Variants in FREM3 observed in about 807,000 individuals in gnomAD.
FREM3 encodes FRAS1 related extracellular matrix 3.
FREM3 carries 105 observed loss-of-function variants against 129.1 expected under a neutral mutation model. That is an observed-to-expected ratio of 0.81 (90% confidence interval 0.69 to 0.96). FREM3 has a LOEUF of 0.96. Among genes scored for constraint, FREM3 ranks in the 40% least tolerant of loss-of-function variants. The pLI is 0.00. For synonymous variants in FREM3, 1,014 were observed against 1,044.9 expected, an observed-to-expected ratio of 0.97 and a Z score of 0.57; for missense variants, 2,593 against 2,666.3, an observed-to-expected ratio of 0.97 and a Z score of 0.61.
At chr4:143,688,381 A>G (rs1431263683) in intron 2 of FREM3, among the ~76,000 whole-genome samples, 1 of 152,218 alleles carries the variant, frequency 6.6e-6, no homozygotes, top group Non-Finnish European at 1.5e-5. Flanking sequence ...TAGACAACAC[A>G]AACAAATGGA....
intron 7 of FREM3, among the ~76,000 whole-genome samples, chr4:143,582,025 C>A (rs1738156569): frequency 6.6e-6 from 1 of 151,914 alleles, no homozygotes; most frequent in African/African-American, 2.4e-5. Flanking sequence ...GCAGGCCCTC[C>A]CCAGTGCCCC....
At chr4:143,663,336 C>G (rs936711003) in intron 2 of FREM3, among the ~76,000 whole-genome samples, 1 of 152,178 alleles carries the variant, frequency 6.6e-6, no homozygotes, top group African/African-American at 2.4e-5. Flanking sequence ...TTCTCCTTCA[C>G]TTATGAAGCT....
chr4:143,589,890 A>T (rs1032277754), intron 6 of FREM3, among the ~76,000 whole-genome samples: 43 of 152,246 alleles, frequency 2.8e-4, no homozygotes, highest in Middle Eastern at 3.4e-3. Flanking sequence ...ATGTTCTTCC[A>T]TTTCTTTGTA....
At chr4:143,589,808 T>C (rs1221980596) in intron 6 of FREM3, among the ~76,000 whole-genome samples, 3 of 152,214 alleles carry the variant, frequency 2.0e-5, no homozygotes, top group African/African-American at 7.2e-5. Context: ...GGGGATGGCA[T>C]TGAATCTGTA....
At position 143,698,651 on chromosome 4, in the gene FREM3, A is replaced by G. The variant is rs770067095; in HGVS notation, c.2025T>C (p.His675=). The change falls in exon 1 of 8, where the codon CAT becomes CAC. Residue 675 remains histidine, a synonymous_variant. Transcript: ENST00000329798. ...TGGGTGGGTCATGGTCATCCTGCAC[A>G]TGGAAAGCCAGCTGGACCATTACAG... ...PQSVMVQLAF[H]VQDDHDPPNL... 56 of 1,537,674 alleles carry G rather than the reference A, an allele frequency of 3.6e-5. No homozygotes were observed. Among genetic ancestry groups the G allele is most frequent in the South Asian group, 2.0e-4 (17 of 84,058 alleles).
chr4:143,694,692 T>G (rs1235015759), intron 1 of FREM3, among the ~76,000 whole-genome samples: 2 of 152,240 alleles, frequency 1.3e-5, no homozygotes, highest in Non-Finnish European at 2.9e-5. Context: ...ACGTGCAGGT[T>G]TGTTACATAG....
chr4:143,677,280 C>A (rs1478608875), intron 2 of FREM3, among the ~76,000 whole-genome samples: 1 of 152,192 alleles, frequency 6.6e-6, no homozygotes, highest in Non-Finnish European at 1.5e-5. Flanking sequence ...CTGACAAAAA[C>A]AGGAAATGGG....
At chr4:143,610,080 T>G (rs1282508653) in intron 6 of FREM3, among the ~76,000 whole-genome samples, 2 of 152,178 alleles carry the variant, frequency 1.3e-5, no homozygotes, top group Non-Finnish European at 2.9e-5. Context: ...GAAAAGTACA[T>G]GACGAAGAAA....
intron 2 of FREM3, among the ~76,000 whole-genome samples, chr4:143,632,858 T>C (rs1739163707): frequency 6.6e-6 from 1 of 152,168 alleles, no homozygotes; most frequent in Non-Finnish European, 1.5e-5. Context: ...AGTTTACGAA[T>C]TTGTGTTGAA....
In FREM3 at chr4:143,587,651, G is replaced by A. The variant is rs55770400; in HGVS notation, c.6029-1658C>T. Among the ~76,000 whole-genome samples the A allele has an allele frequency of 7.5e-3, 1,149 of 152,296 alleles. 13 individuals carry two copies. Among genetic ancestry groups the A allele is most frequent in the African/African-American group, 0.026 (1,087 of 41,548 alleles). On this transcript the variant is annotated intron_variant, in intron 6 of 7. Coordinates refer to ENST00000329798, the MANE Select transcript of FREM3 (RefSeq NM_001168235.2). Reference sequence around the variant, plus strand: ...CAGGAAAGAAGGAGGATAGGCAGGAGTAGCAGGAAAGTTCTTTCTTGAACA... The same window carrying A: ...CAGGAAAGAAGGAGGATAGGCAGGAATAGCAGGAAAGTTCTTTCTTGAACA...
chr4:143,696,091 A>T lies in FREM3; in HGVS notation c.4585T>A (p.Phe1529Ile), dbSNP rs1357044797. The T allele has an allele frequency of 1.3e-6, 2 of 1,537,406 alleles. No individual in the cohort carries two copies. The highest frequency in any genetic ancestry group is 1.7e-6 in the Non-Finnish European group (2 of 1,146,970). ...TTCTTATTATCCACATCAGTGATGA[A>T]GATCCTGAAGGTTCTGAACACAGGG... ...LYPVFRTFRIFITDVDNKKPI... is the reference protein window; with the variant it reads ...LYPVFRTFRIIITDVDNKKPI... Residue 1529 changes from phenylalanine to isoleucine, a missense_variant, in exon 1 of 8, where the codon TTC becomes ATC. Physicochemically the swap from Phe to Ile is conservative, Grantham distance 21. This residue lies in a region of FREM3 where 2,276 missense variants were observed against 2,267.2 expected (regional missense o/e 1.00). Coordinates refer to ENST00000329798, the MANE Select transcript of FREM3 (RefSeq NM_001168235.2).
At chr4:143,613,807 G>T (rs943270295) in intron 5 of FREM3, among the ~76,000 whole-genome samples, 1 of 152,116 alleles carries the variant, frequency 6.6e-6, no homozygotes, top group Non-Finnish European at 1.5e-5. Context: ...TCCTCAGGAC[G>T]AATGCCAAAA....
At chr4:143,686,092 TAA>T (rs1740359004) in intron 2 of FREM3, among the ~76,000 whole-genome samples, 1 of 152,058 alleles carries the variant, frequency 6.6e-6, no homozygotes, top group Non-Finnish European at 1.5e-5. Flanking sequence ...AGCTAGCACA[TAA>T]AGACTCACAT....
chr4:143,650,238 A>G (rs1370020849), intron 2 of FREM3, among the ~76,000 whole-genome samples: 1 of 152,204 alleles, frequency 6.6e-6, no homozygotes, highest in Admixed American at 6.5e-5. Flanking sequence ...TATTGTAGCC[A>G]TGTTGTTTTG....
chr4:143,605,585 T>G (rs1272373055), intron 6 of FREM3, among the ~76,000 whole-genome samples: 1 of 152,074 alleles, frequency 6.6e-6, no homozygotes, highest in Non-Finnish European at 1.5e-5. Flanking sequence ...AACAACAGAG[T>G]CAAAGAGGGA....
chr4:143,635,727 GTAGA>G (rs1231330829), intron 2 of FREM3, among the ~76,000 whole-genome samples: 13 of 152,168 alleles, frequency 8.5e-5, no homozygotes, highest in African/African-American at 3.1e-4. Context: ...TGAATTTGGC[GTAGA>G]TAATCAAACA....
At chr4:143,638,444 A>G (rs1023605052) in intron 2 of FREM3, among the ~76,000 whole-genome samples, 23 of 152,180 alleles carry the variant, frequency 1.5e-4, no homozygotes, top group African/African-American at 5.5e-4. Context: ...AGGAGGTTGA[A>G]ACAAACTCTT....
chr4:143,693,236 T>C (rs897770783), intron 1 of FREM3, 34 bp from the exon 2 acceptor site: 3 of 1,138,460 alleles, frequency 2.6e-6, no homozygotes, highest in Non-Finnish European at 3.7e-6. Context: ...CAAAGTCATA[T>C]TGGCACAAAT....
intron 6 of FREM3, among the ~76,000 whole-genome samples, chr4:143,593,236 G>A (rs549160916): frequency 1.3e-5 from 2 of 152,108 alleles, no homozygotes; most frequent in Non-Finnish European, 2.9e-5. Context: ...CTCTCAACTC[G>A]TCAAAGTCAT....
Sources: allele counts gnomAD v4.1 joint callset (sites outside exome capture counted in the v4.1 genomes callset), GRCh38; gene constraint gnomAD v4.1.1; regional missense constraint gnomAD v4.1.1; transcripts MANE v1.5; gene names NCBI Gene and HGNC (gene_info 2026-07-23, HGNC 2026-07-21).